Variants in SUPT3H observed in about 807,000 individuals in gnomAD.
SUPT3H encodes SPT3 homolog, SAGA and STAGA complex component.
SUPT3H carries 44 observed loss-of-function variants against 44.3 expected under a neutral mutation model. The observed-to-expected ratio is 0.99, with a 90% CI of 0.78 to 1.28. The LOEUF (loss-of-function observed/expected upper bound fraction) is 1.28. Among genes scored for constraint, SUPT3H ranks in the 50% most tolerant of loss-of-function variants. The pLI is 0.00. For missense variants in SUPT3H, 380 were observed against 387.1 expected (o/e 0.98, Z 0.15); for synonymous variants, 124 against 125.6 (o/e 0.99, Z 0.09).
intron 2 of SUPT3H, among the ~76,000 whole-genome samples, chr6:45,154,755 A>G (rs1807540457): frequency 6.6e-6 from 1 of 152,198 alleles, no homozygotes; most frequent in African/African-American, 2.4e-5. Flanking sequence ...AAGAATATGT[A>G]GCATCTAAAC....
At chr6:44,845,098 T>C (rs766568058) in intron 10 of SUPT3H, among the ~76,000 whole-genome samples, 8 of 152,104 alleles carry the variant, frequency 5.3e-5, no homozygotes, top group African/African-American at 1.2e-4. Context: ...AAAGTCCCAG[T>C]TGAATAGAAA....
chr6:44,905,917 C>T lies in SUPT3H; in HGVS notation c.912+26736G>A, dbSNP rs138521925. On this transcript the variant is annotated intron_variant, in intron 10 of 10. Coordinates refer to ENST00000371459, the MANE Select transcript of SUPT3H (RefSeq NM_003599.4). ...GAAACCATCATTCTCAGCAAACTAT[C>T]GCAAGGACAAAAAAACCAAACACCA... Among the ~76,000 whole-genome samples the T allele has an allele frequency of 4.4e-3, 674 of 152,074 alleles. 2 individuals carry two copies. Among genetic ancestry groups the T allele is most frequent in the African/African-American group, 0.014 (583 of 41,454 alleles).
At chr6:44,863,413 T>C (rs2153426455) in intron 10 of SUPT3H, among the ~76,000 whole-genome samples, 1 of 152,324 alleles carries the variant, frequency 6.6e-6, no homozygotes, top group South Asian at 2.1e-4. Flanking sequence ...GTGGTGTTCC[T>C]ATTTCATGTA....
intron 3 of SUPT3H, among the ~76,000 whole-genome samples, chr6:45,068,355 C>G (rs1793774371): frequency 7.2e-6 from 1 of 138,228 alleles, no homozygotes; most frequent in Non-Finnish European, 1.6e-5. Flanking sequence ...GGAGATATAC[C>G]TAATGCTAGA....
At chr6:45,325,995 A>C (rs183393717) in intron 2 of SUPT3H, among the ~76,000 whole-genome samples, 7 of 152,000 alleles carry the variant, frequency 4.6e-5, no homozygotes, top group Middle Eastern at 3.4e-3. Flanking sequence ...AGAGGACAAA[A>C]AGTGCATATA....
chr6:45,119,871 A>T (rs978952852), intron 2 of SUPT3H, among the ~76,000 whole-genome samples: 1 of 152,132 alleles, frequency 6.6e-6, no homozygotes, highest in Non-Finnish European at 1.5e-5. Context: ...AAATACTTTT[A>T]AAAAAGAAAA....
intron 10 of SUPT3H, among the ~76,000 whole-genome samples, chr6:44,928,788 C>T (rs1769961066): frequency 6.9e-6 from 1 of 145,720 alleles, no homozygotes; most frequent in South Asian, 2.2e-4. Flanking sequence ...GAGGCTGAGG[C>T]AGGAGAATGG....
chr6:45,171,292 A>G (rs1209654409), intron 2 of SUPT3H, among the ~76,000 whole-genome samples: 2 of 152,210 alleles, frequency 1.3e-5, no homozygotes, highest in Non-Finnish European at 2.9e-5. Flanking sequence ...AATCTGTCAT[A>G]TTATTTTCTA....
intron 2 of SUPT3H, among the ~76,000 whole-genome samples, chr6:45,127,158 A>G (rs2153581982): frequency 6.6e-6 from 1 of 152,234 alleles, no homozygotes; most frequent in East Asian, 1.9e-4. Flanking sequence ...CACTAAAAAC[A>G]CAAAAATTAG....
At chr6:45,086,298 G>C (rs535913282) in intron 3 of SUPT3H, among the ~76,000 whole-genome samples, 5 of 152,078 alleles carry the variant, frequency 3.3e-5, no homozygotes, top group South Asian at 2.1e-4. Flanking sequence ...TCACCTAGTT[G>C]TGTAAAATCG....
intron 10 of SUPT3H, among the ~76,000 whole-genome samples, chr6:44,831,974 A>G (rs528422878): frequency 1.3e-5 from 2 of 152,280 alleles, no homozygotes; most frequent in South Asian, 2.1e-4. Flanking sequence ...GATTTCTGTG[A>G]TGTTCTTCCC....
chr6:45,254,209 C>T (rs780279448), intron 2 of SUPT3H, among the ~76,000 whole-genome samples: 1 of 151,990 alleles, frequency 6.6e-6, no homozygotes, highest in Non-Finnish European at 1.5e-5. Context: ...AATAGGAACC[C>T]AAGTTGTATT....
intron 3 of SUPT3H, among the ~76,000 whole-genome samples, chr6:45,101,550 G>A (rs1177351463): frequency 6.6e-6 from 1 of 152,198 alleles, no homozygotes; most frequent in African/African-American, 2.4e-5. Context: ...TAAACAGCTA[G>A]ATAGGAGAAA....
intron 6 of SUPT3H, among the ~76,000 whole-genome samples, chr6:44,981,199 G>A (rs185999032): frequency 5.2e-4 from 79 of 152,306 alleles, no homozygotes; most frequent in African/African-American, 1.8e-3. Context: ...GGGGTAAAGT[G>A]ATTCCAAGAA....
At chr6:44,822,253 A>G (rs1394345626), downstream of SUPT3H, among the ~76,000 whole-genome samples, 1 of 152,220 alleles carries the variant, frequency 6.6e-6, no homozygotes, top group Non-Finnish European at 1.5e-5. Context: ...AGGAATGGCT[A>G]TAAAGAAAAC....
intron 10 of SUPT3H, among the ~76,000 whole-genome samples, chr6:44,911,676 G>A (rs1287317715): frequency 1.3e-5 from 2 of 152,050 alleles, no homozygotes; most frequent in African/African-American, 4.8e-5. Context: ...CCATATAGTT[G>A]CCAATATAAG....
intron 2 of SUPT3H, among the ~76,000 whole-genome samples, chr6:45,287,256 AAAAATAAAAAATAT>A (rs956904139): frequency 2.0e-4 from 28 of 143,352 alleles, no homozygotes; most frequent in African/African-American, 4.9e-4. Flanking sequence ...ATAAAAAATA[AAAAATAAAAAATAT>A]AAAAAATTAT....
intron 2 of SUPT3H, among the ~76,000 whole-genome samples, chr6:45,344,921 G>A (rs1240877373): frequency 2.0e-5 from 3 of 152,156 alleles, no homozygotes; most frequent in Non-Finnish European, 2.9e-5. Flanking sequence ...AAGCAGGATA[G>A]TTTAGTAGTT....
At chr6:45,152,803 C>G (rs917140791) in intron 2 of SUPT3H, among the ~76,000 whole-genome samples, 2 of 151,878 alleles carry the variant, frequency 1.3e-5, no homozygotes, top group African/African-American at 4.8e-5. Context: ...CTAGAGTAAT[C>G]CTTTTAAATT....
Sources: allele counts gnomAD v4.1 joint callset (sites outside exome capture counted in the v4.1 genomes callset), GRCh38; gene constraint gnomAD v4.1.1; transcripts MANE v1.5; gene names NCBI Gene and HGNC (gene_info 2026-07-23, HGNC 2026-07-21).